The following EIF4G3 variants were observed in gnomAD, a reference collection of about 807,000 sequenced individuals.
EIF4G3 encodes the protein eukaryotic translation initiation factor 4 gamma 3, also known as eIF-4-gamma 3.
A neutral mutation model predicts 186.4 loss-of-function variants in EIF4G3; 34 were observed. That is an observed-to-expected ratio of 0.18 (90% confidence interval 0.14 to 0.24). The LOEUF is 0.24. Ranked by LOEUF, EIF4G3 falls within the 10% of genes least tolerant of loss-of-function variation. The probability of loss-of-function intolerance (pLI) is 1.00; values close to 1 mark genes in which losing one functional copy is unlikely to be tolerated. For synonymous variants in EIF4G3, 673 were observed against 679.5 expected (o/e 0.99, Z 0.15); for missense variants, 1,536 against 1,948.5 (o/e 0.79, Z 3.99).
At chr1:20,892,638 A>C in intron 18 of EIF4G3, 2 of 1,535,912 alleles carry the variant, frequency 1.3e-6, no homozygotes, top group South Asian at 2.4e-5. Flanking sequence ...CAGGCTCTTC[A>C]TGGGTGGGTG....
intron 34 of EIF4G3, among the ~76,000 whole-genome samples, chr1:20,813,610 T>C (rs1309180152): frequency 1.3e-5 from 2 of 151,940 alleles, no homozygotes; most frequent in Admixed American, 6.6e-5. Context: ...CTCATGCCTG[T>C]AATCCCAGCA....
At chr1:21,039,024 G>A (rs1434934979) in intron 4 of EIF4G3, among the ~76,000 whole-genome samples, 1 of 152,032 alleles carries the variant, frequency 6.6e-6, no homozygotes, top group East Asian at 1.9e-4. Flanking sequence ...AAACCTAAAC[G>A]TCTCAAACCT....
chr1:21,099,404 T>C (rs924681265), intron 2 of EIF4G3, among the ~76,000 whole-genome samples: 2 of 152,192 alleles, frequency 1.3e-5, no homozygotes, highest in African/African-American at 2.4e-5. Flanking sequence ...CTATGGTACA[T>C]CCATATAATG....
At chr1:21,117,874 T>A (rs1326366329) in intron 2 of EIF4G3, among the ~76,000 whole-genome samples, 1 of 151,856 alleles carries the variant, frequency 6.6e-6, no homozygotes, top group African/African-American at 2.4e-5. Flanking sequence ...TTTCCAAGCA[T>A]GCAGCTACTA....
intron 14 of EIF4G3, among the ~76,000 whole-genome samples, chr1:20,906,388 C>A (rs2092099329): frequency 6.6e-6 from 1 of 152,060 alleles, no homozygotes; most frequent in Admixed American, 6.6e-5. Flanking sequence ...ATAGCTGAAT[C>A]TTTTTAGGAG....
At chr1:20,855,983 T>A (rs1221060136) in intron 25 of EIF4G3, among the ~76,000 whole-genome samples, 3 of 152,230 alleles carry the variant, frequency 2.0e-5, no homozygotes, top group Admixed American at 6.5e-5. Context: ...AAAATACAAA[T>A]GTTGTTATTA....
chr1:20,858,371 G>T (rs1303388942), intron 24 of EIF4G3, among the ~76,000 whole-genome samples: 1 of 152,072 alleles, frequency 6.6e-6, no homozygotes. Context: ...CTGCTTCAGG[G>T]TCTTTGTACT....
intron 4 of EIF4G3, among the ~76,000 whole-genome samples, chr1:21,010,868 A>G (rs909726538): frequency 6.6e-6 from 1 of 152,228 alleles, no homozygotes; most frequent in African/African-American, 2.4e-5. Context: ...AGTCTTAAGC[A>G]TAGCACTTGT....
Position 20,981,128 on chromosome 1 carries a change from C to T in EIF4G3, c.298G>A (p.Ala100Thr). The stretch of plus-strand genomic sequence containing the variant: ...TTAACCATCATGATGTGCTGATTAG[C>T]CTGGTACACTGCAGTGGGTGTCTGT... ...GAQTPTAVYQ[A>T]NQHIMMVNHL... Residue 100 changes from alanine to threonine, a missense_variant, in exon 9 of 37, where the codon GCT (alanine) becomes ACT (threonine). By Grantham distance (58) the Ala-to-Thr change is moderately conservative (BLOSUM62 0). This residue lies in a region of EIF4G3 where 194 missense variants were observed against 212.8 expected (regional missense o/e 0.91). Coordinates refer to ENST00000602326, the MANE Select transcript of EIF4G3 (RefSeq NM_001391906.1). The T allele has an allele frequency of 6.2e-7, 1 of 1,613,694 alleles. No homozygotes were observed. The highest frequency in any genetic ancestry group is 1.1e-5 in the South Asian group (1 of 91,036).
At chr1:20,853,714 A>G in intron 26 of EIF4G3, 37 bp from the exon 27 acceptor site, 1 of 1,469,970 alleles carries the variant, frequency 6.8e-7, no homozygotes, top group South Asian at 1.1e-5. Context: ...AATACAAATC[A>G]CATGACTAAA....
At position 20,994,430 on chromosome 1, in the gene EIF4G3, A is replaced by G. The variant is rs374309621; in HGVS notation, c.177+3171T>C. ...ACATCCTTATTCAATTCTCTGTGAT[A>G]TGATGAAAAGAATTTAACTGGTGTT... On this transcript the variant is annotated intron_variant, in intron 7 of 36. Coordinates refer to ENST00000602326, the MANE Select transcript of EIF4G3 (RefSeq NM_001391906.1). Among the ~76,000 whole-genome samples, 886 of 152,306 alleles carry G rather than the reference A, an allele frequency of 5.8e-3. 8 individuals carry two copies. Among genetic ancestry groups the G allele is most frequent in the South Asian group, 0.029 (139 of 4,828 alleles).
intron 4 of EIF4G3, among the ~76,000 whole-genome samples, chr1:21,026,431 A>T (rs142056671): frequency 1.3e-5 from 2 of 152,260 alleles, no homozygotes; most frequent in African/African-American, 4.8e-5. Flanking sequence ...AGCTAAAAGT[A>T]AAAAAATCTG....
At chr1:21,127,565 A>G (rs1039159814) in intron 2 of EIF4G3, among the ~76,000 whole-genome samples, 1 of 152,256 alleles carries the variant, frequency 6.6e-6, no homozygotes, top group African/African-American at 2.4e-5. Flanking sequence ...TTTGTTGAAT[A>G]AAGGAACAAA....
At chr1:20,990,652 G>A (rs2080879050) in intron 7 of EIF4G3, among the ~76,000 whole-genome samples, 1 of 152,174 alleles carries the variant, frequency 6.6e-6, no homozygotes, top group Admixed American at 6.5e-5. Context: ...CTGGGCGACA[G>A]AGCAAGACTC....
At chr1:21,147,526 T>A (rs1272346482) in intron 2 of EIF4G3, among the ~76,000 whole-genome samples, 1 of 151,720 alleles carries the variant, frequency 6.6e-6, no homozygotes, top group Non-Finnish European at 1.5e-5. Flanking sequence ...AGAGACAGGG[T>A]CTCCCTATGT....
chr1:20,914,030 G>A (rs755692288), intron 14 of EIF4G3, among the ~76,000 whole-genome samples: 1 of 151,376 alleles, frequency 6.6e-6, no homozygotes, highest in African/African-American at 2.4e-5. Flanking sequence ...GGATGGTCTC[G>A]ATCTCCTGAC....
chr1:20,972,928 T>A, intron 11 of EIF4G3, 74 bp downstream of exon 11: 1 of 1,208,846 alleles, frequency 8.3e-7, no homozygotes, highest in Admixed American at 2.8e-5. Context: ...AGATGAATAA[T>A]GACTACGTAA....
intron 2 of EIF4G3, among the ~76,000 whole-genome samples, chr1:21,106,164 T>G (rs2096614278): frequency 6.6e-6 from 1 of 151,824 alleles, no homozygotes; most frequent in Non-Finnish European, 1.5e-5. Flanking sequence ...CTGAGAGGCT[T>G]GTAGGGCCTG....
At chr1:21,051,149 G>GA (rs970995129) in intron 3 of EIF4G3, among the ~76,000 whole-genome samples, 155 bp from the exon 4 acceptor site, 31 of 151,490 alleles carry the variant, frequency 2.0e-4, no homozygotes, top group Non-Finnish European at 3.1e-4. Context: ...TTTTAAAATT[G>GA]AAAAAAACAG....
Sources: gnomAD v4.1 joint callset for allele counts (sites outside exome capture counted in the v4.1 genomes callset) on GRCh38, gnomAD v4.1.1 for gene constraint, gnomAD v4.1.1 regional missense constraint, MANE v1.5 for transcripts, NCBI Gene and HGNC (gene_info 2026-07-23, HGNC 2026-07-21) for gene names.